The following CPSF3 variants were observed in gnomAD, a reference collection of about 807,000 sequenced individuals.
CPSF3 encodes the protein cleavage and polyadenylation specific factor 3, also known as cleavage and polyadenylation specificity factor subunit 3.
Under a neutral mutation model 84.1 loss-of-function variants are expected in CPSF3, and 57 were observed. That is an observed-to-expected ratio of 0.68 (90% CI 0.55 to 0.85). The LOEUF (loss-of-function observed/expected upper bound fraction) is 0.85, where lower values mean the gene tolerates loss of function less well. Among genes scored for constraint, CPSF3 ranks in the 40% least tolerant of loss-of-function variants. The pLI is 0.00. For missense variants in CPSF3, 522 were observed against 838.8 expected (o/e 0.62, Z 4.66); for synonymous variants, 275 against 278.1 (o/e 0.99, Z 0.11).
chr2:9,466,376 GCACTCGCACA>G (rs1681971910), intron 15 of CPSF3, among the ~76,000 whole-genome samples: 2 of 122,562 alleles, frequency 1.6e-5, no homozygotes, highest in Admixed American at 7.9e-5. Flanking sequence ...ACACACCCAC[GCACTCGCACA>G]CACGCGCACA....
chr2:9,472,334 AAAG>A (rs1297500399), intron 17 of CPSF3, among the ~76,000 whole-genome samples: 6 of 151,978 alleles, frequency 3.9e-5, no homozygotes, highest in East Asian at 1.9e-4. Flanking sequence ...AAAAAAAAAA[AAAG>A]AAGCAACTAG....
intron 8 of CPSF3, 98 bp from the exon 9 acceptor site, chr2:9,441,720 G>A: frequency 4.1e-6 from 5 of 1,225,872 alleles, no homozygotes; most frequent in Non-Finnish European, 5.7e-6. Context: ...TCAGTGATGT[G>A]ATTAATCTCT....
rs5829213 is a variant in CPSF3 at position 9,468,619 on chromosome 2, CTTTTTTTTTTT to C, written c.1856+858_1856+868del. Among the ~76,000 whole-genome samples the C allele has an allele frequency of 1.0e-4, 11 of 108,338 alleles. 1 individual carries two copies. Among genetic ancestry groups the C allele is most frequent in the Non-Finnish European group, 1.9e-4 (11 of 58,376 alleles). The allele number at this position is 108,338 out of a possible 152,430, so 71.1% of individuals were successfully genotyped here. ...TCTTTCCCCAAAATTCTACACTGAC[CTTTTTTTTTTT>C]TTTTTTTTTTTTTTGAGACGGAGTC... On this transcript the variant is annotated intron_variant, in intron 16 of 17. Transcript: ENST00000238112.
intron 12 of CPSF3, among the ~76,000 whole-genome samples, chr2:9,453,849 C>T (rs1443006636): frequency 6.6e-6 from 1 of 151,942 alleles, no homozygotes; most frequent in Non-Finnish European, 1.5e-5. Context: ...TGAGATAATG[C>T]CACTGCATTC....
chr2:9,433,377 C>A lies in CPSF3; in HGVS notation c.520-494C>A, dbSNP rs376934107. On this transcript the variant is annotated intron_variant, in intron 5 of 17. Coordinates refer to ENST00000238112, the MANE Select transcript of CPSF3 (RefSeq NM_016207.4). ...CCTAAATTTTTCACAGCTGCTTATACATTTGGAACTTTTAGACATTGAATT... is the reference window on the plus strand; with the variant it reads ...CCTAAATTTTTCACAGCTGCTTATAAATTTGGAACTTTTAGACATTGAATT... Among the ~76,000 whole-genome samples, 7 of 152,198 alleles carry A rather than the reference C, an allele frequency of 4.6e-5. No homozygotes were observed. In the East Asian group the frequency reaches 1.2e-3, roughly 25 times the overall value.
chr2:9,440,816 G>C (rs1052412487), intron 8 of CPSF3, 150 bp downstream of exon 8: 2 of 718,080 alleles, frequency 2.8e-6, no homozygotes, highest in African/African-American at 3.6e-5. Flanking sequence ...AGGAGTTTGA[G>C]ACCGGCCTGG....
chr2:9,468,354 G>GC (rs1682045148), intron 16 of CPSF3, among the ~76,000 whole-genome samples: 1 of 152,104 alleles, frequency 6.6e-6, no homozygotes, highest in Non-Finnish European at 1.5e-5. Flanking sequence ...AGCCTCCCAA[G>GC]TAGCTGGGAT....
At chr2:9,434,413 T>C (rs12464664) in intron 6 of CPSF3, among the ~76,000 whole-genome samples, 84,905 of 151,836 alleles carry the variant, frequency 0.56, 24,767 homozygotes, top group Middle Eastern at 0.71. Context: ...TGTAGTGCAG[T>C]TTCACTTTCT....
In CPSF3 at chr2:9,433,878, A is replaced by G. The variant is rs759928669; in HGVS notation, c.527A>G (p.Tyr176Cys). 1.2e-6 allele frequency: 2 copies of G among 1,608,112 alleles called. No homozygotes were observed. The highest frequency in any genetic ancestry group is 1.7e-6 in the Non-Finnish European group (2 of 1,175,610). Residue 176 changes from tyrosine (Y) to cysteine (C), a missense_variant, in exon 6 of 18, where the codon TAC becomes TGC. This residue lies in a region of CPSF3 where 329 missense variants were observed against 607.2 expected (regional missense o/e 0.54). Coordinates refer to ENST00000238112, the MANE Select transcript of CPSF3 (RefSeq NM_016207.4). ...GTTTTATCTTTTTCACAGCTTTTGT[A>G]CACTGGTGATTTCTCAAGACAAGAA... is the stretch of plus-strand genomic sequence containing the variant. ...MIEIAGVKLL[Y>C]TGDFSRQEDR...
At chr2:9,427,518 T>G (rs1680434625) in intron 1 of CPSF3, among the ~76,000 whole-genome samples, 1 of 152,170 alleles carries the variant, frequency 6.6e-6, no homozygotes, top group South Asian at 2.1e-4. Context: ...GGCCAGGGTA[T>G]CCACAATAAT....
At chr2:9,448,138 AGGACCATG>A in intron 10 of CPSF3, 52 bp from the exon 11 acceptor site, 3 of 916,778 alleles carry the variant, frequency 3.3e-6, no homozygotes, top group Non-Finnish European at 4.9e-6. Context: ...ATTCAACTTA[AGGACCATG>A]ATTAAGCTGA....
rs765828979 is a variant in CPSF3, at chr2:9,441,952, C to T, written c.1071C>T (p.Tyr357=). 3 of 1,614,072 alleles carry T rather than the reference C, an allele frequency of 1.9e-6. No homozygotes were observed. The highest frequency in any genetic ancestry group is 4.5e-5 in the East Asian group (2 of 44,888). The change falls in exon 9 of 18, where the codon TAC becomes TAT. Residue 357 remains tyrosine (Y), a synonymous_variant. Transcript: ENST00000238112. ...GGAATGGTGTCATTATAGCGGGATA[C>T]TGTGTAGAAGGGACACTTGCCAAGG... ...DKRNGVIIAG[Y]CVEGTLAKHI... is the part of the protein sequence containing the mutation.
chr2:9,455,076 C>T lies in CPSF3; in HGVS notation c.1505-583C>T, dbSNP rs555844858. ...GTTACCAAGGAAAGAAGGCAGATGA[C>T]AGCTGGCATACCAGCTCTGTGGCAT... On this transcript the variant is annotated intron_variant, in intron 12 of 17. Transcript: ENST00000238112. Among the ~76,000 whole-genome samples the T allele has an allele frequency of 3.3e-5, 5 of 151,592 alleles. 1 individual carries two copies. In the South Asian group the frequency reaches 8.4e-4, roughly 25 times the overall value.
At chr2:9,459,442 C>T in intron 14 of CPSF3, 89 bp from the exon 15 acceptor site, 2 of 790,032 alleles carry the variant, frequency 2.5e-6, no homozygotes, top group Non-Finnish European at 2.3e-6. Flanking sequence ...TCCATATGTA[C>T]AGTCCATGGT....
Position 9,423,724 on chromosome 2 carries a change from A to G in CPSF3, c.-50A>G. 1 of 1,601,326 alleles carries G rather than the reference A, an allele frequency of 6.2e-7. No homozygotes were observed. The highest frequency in any genetic ancestry group is 1.1e-5 in the South Asian group (1 of 89,710). Reference sequence around the variant, plus strand: ...CGGTGGCTGTGCTTCCAATTTAGGAAGACCCCGGCGACCTGTTCCTCACCC... The same window carrying G: ...CGGTGGCTGTGCTTCCAATTTAGGAGGACCCCGGCGACCTGTTCCTCACCC... On this transcript the variant is annotated 5_prime_UTR_variant, in exon 1 of 18. Transcript: ENST00000238112.
chr2:9,451,716 CTT>C (rs35559032), intron 11 of CPSF3, among the ~76,000 whole-genome samples: 293 of 128,814 alleles, frequency 2.3e-3, no homozygotes, highest in African/African-American at 5.1e-3. Context: ...ATAAATGAAA[CTT>C]TTTTTTTTTT....
intron 7 of CPSF3, 78 bp from the exon 8 acceptor site, chr2:9,440,413 T>TG (rs1680929932): frequency 2.5e-6 from 3 of 1,219,168 alleles, no homozygotes; most frequent in Non-Finnish European, 3.5e-6. Flanking sequence ...CATTTCTTGT[T>TG]CTGTGTGTAT....
rs770677402 is a variant in CPSF3, at chr2:9,429,687, C to G, written c.115-236C>G. Among the ~76,000 whole-genome samples, 21 of 152,118 alleles carry G rather than the reference C, an allele frequency of 1.4e-4. 1 individual carries two copies. The highest frequency in any genetic ancestry group is 8.8e-5 in the Non-Finnish European group (6 of 68,014). On this transcript the variant is annotated intron_variant, in intron 2 of 17. Coordinates refer to ENST00000238112, the MANE Select transcript of CPSF3 (RefSeq NM_016207.4). ...ACGACCAAAAGTAGCTGGAAAGAAG[C>G]TGTTTTGTACTTTGCATCCTGTGAC...
chr2:9,431,540 C>CTTTTTTTTT (rs1198118780), intron 4 of CPSF3, among the ~76,000 whole-genome samples: 1 of 84,148 alleles, frequency 1.2e-5, no homozygotes, highest in African/African-American at 5.3e-5. Flanking sequence ...TTTTTTTTTT[C>CTTTTTTTTT]TTTTTTTTTT....
Sources: allele counts gnomAD v4.1 joint callset (sites outside exome capture counted in the v4.1 genomes callset), GRCh38; gene constraint gnomAD v4.1.1; regional missense constraint gnomAD v4.1.1; transcripts MANE v1.5; gene names NCBI Gene and HGNC (gene_info 2026-07-23, HGNC 2026-07-21).